RBM42: variants seen among roughly 807,000 people sequenced by gnomAD.
The protein encoded by RBM42 is RNA-binding protein 42.
Under a neutral mutation model 41.4 loss-of-function variants are expected in RBM42, and 21 were observed. The ratio of observed to expected loss-of-function variants is 0.51; its 90% confidence interval spans 0.36 to 0.73. The LOEUF is 0.73. RBM42 is among the 30% of genes least tolerant of loss of function. RBM42 has a pLI of 0.00. For missense variants in RBM42, 539 were observed against 680.4 expected, an observed-to-expected ratio of 0.79 and a Z score of 2.31; for synonymous variants, 272 against 271.2, an observed-to-expected ratio of 1.00 and a Z score of -0.03.
In RBM42 at chr19:35,633,806, G is replaced by A. The variant is rs1405305815; in HGVS notation, c.804G>A (p.Val268=). ...GLEEASAAVA[V]GAGGAPAGPA... The stretch of plus-strand genomic sequence containing the variant: ...AGGAGGCTAGCGCGGCTGTGGCCGT[G>A]GGGGCAGGAGGTGCCCCAGCTGGCC... The change falls in exon 7 of 10, where the codon GTG becomes GTA. Residue 268 remains valine, a synonymous_variant. Coordinates refer to ENST00000262633, the MANE Select transcript of RBM42 (RefSeq NM_024321.5). 4 of 1,498,904 alleles carry A rather than the reference G, an allele frequency of 2.7e-6. No individual in the cohort carries two copies. Among genetic ancestry groups the A allele is most frequent in the Admixed American group, 2.4e-5 (1 of 41,514 alleles). The allele number at this position is 1,498,904 out of a possible 1,614,324, so 92.9% of individuals were successfully genotyped here.
rs774741013 is a variant in RBM42 at position 35,633,875 on chromosome 19, A to G, written c.873A>G (p.Pro291=). The G allele has an allele frequency of 1.3e-6, 2 of 1,593,070 alleles. No homozygotes were observed. Among genetic ancestry groups the G allele is most frequent in the East Asian group, 2.3e-5 (1 of 43,906 alleles). The change falls in exon 7 of 10, where the codon CCA becomes CCG. Residue 291 remains proline, a synonymous_variant. Coordinates refer to ENST00000262633, the MANE Select transcript of RBM42 (RefSeq NM_024321.5). ...GCCTGCCGCTGGCCCTGGCCATGCCATTGCCCGAGCCTGAGCCCCTGCCCC... is the reference window on the plus strand; with the variant it reads ...GCCTGCCGCTGGCCCTGGCCATGCCGTTGCCCGAGCCTGAGCCCCTGCCCC... ...GPSLPLALAM[P]LPEPEPLPLP...
Position 35,633,165 on chromosome 19 carries a change from GC to G in RBM42, c.602del (p.Pro201LeufsTer5). ...QALVGPPLPG[P>X]PGPPMMLPPM... ...CCCTCGTGGGCCCCCCTCTGCCTGG[GC>G]CCCCTGGACCACCCATGATGCTGCC... On this transcript the variant is annotated frameshift_variant, in exon 6 of 10. Coordinates refer to ENST00000262633, the MANE Select transcript of RBM42 (RefSeq NM_024321.5). LOFTEE classifies it high-confidence loss of function. 2.5e-6 allele frequency: 4 copies of G among 1,605,700 alleles called. No homozygotes were observed. Among genetic ancestry groups the G allele is most frequent in the Non-Finnish European group, 3.4e-6 (4 of 1,173,088 alleles).
chr19:35,633,014 G>A lies in RBM42; in HGVS notation c.508+13G>A. 2 of 1,608,730 alleles carry A rather than the reference G, an allele frequency of 1.2e-6. No individual in the cohort carries two copies. Among genetic ancestry groups the A allele is most frequent in the Non-Finnish European group, 1.7e-6 (2 of 1,175,190 alleles). ...CTACAGAGAGCAGGTGAGGGGCCAG[G>A]GTCATCATCCCTGCCACATAACTCC... On this transcript the variant is annotated intron_variant, in intron 5 of 9. Coordinates refer to ENST00000262633, the MANE Select transcript of RBM42 (RefSeq NM_024321.5).
intron 4 of RBM42, 119 bp from the exon 5 acceptor site, chr19:35,632,817 A>T (rs2146350556): frequency 3.1e-6 from 2 of 652,950 alleles, no homozygotes; most frequent in African/African-American, 1.8e-5. Flanking sequence ...GGCTCCCCAG[A>T]CTCTTCTCCA....
rs1967448058 is a variant in RBM42, at chr19:35,633,797, T to C, written c.795T>C (p.Ala265=). Residue 265 remains alanine, a synonymous_variant, in exon 7 of 10, where the codon GCT becomes GCC. Transcript: ENST00000262633. The part of the protein sequence containing the change: ...AAAGLEEASA[A]VAVGAGGAPA... ...CTGGGCTGGAGGAGGCTAGCGCGGC[T>C]GTGGCCGTGGGGGCAGGAGGTGCCC... 1 of 1,501,396 alleles carries C rather than the reference T, an allele frequency of 6.7e-7. No homozygotes were observed. Among genetic ancestry groups the C allele is most frequent in the Non-Finnish European group, 8.8e-7 (1 of 1,133,222 alleles). The allele number at this position is 1,501,396 out of a possible 1,614,324, so 93.0% of individuals were successfully genotyped here.
intron 2 of RBM42, among the ~76,000 whole-genome samples, chr19:35,630,502 T>C (rs1967387193): frequency 6.6e-6 from 1 of 152,066 alleles, no homozygotes; most frequent in South Asian, 2.1e-4. Context: ...GCACGGTTGC[T>C]CACGCCTGTA....
intron 1 of RBM42, 32 bp from the exon 2 acceptor site, chr19:35,629,488 C>G (rs771517189): frequency 6.2e-7 from 1 of 1,612,010 alleles, no homozygotes; most frequent in Non-Finnish European, 8.5e-7. Context: ...GGTACGAGGT[C>G]CTGAGCGCTG....
chr19:35,634,070 G>T, intron 7 of RBM42, 51 bp downstream of exon 7: 2 of 1,470,926 alleles, frequency 1.4e-6, no homozygotes, highest in Non-Finnish European at 1.8e-6. Flanking sequence ...GGGGCAGACA[G>T]GAGCCCAGGA....
At chr19:35,633,408 C>G (rs758896226) in intron 6 of RBM42, among the ~76,000 whole-genome samples, 156 bp downstream of exon 6, 3 of 152,262 alleles carry the variant, frequency 2.0e-5, no homozygotes, top group Non-Finnish European at 4.4e-5. Context: ...CTGCATCTTT[C>G]TGTGGCAAAA....
In RBM42 at chr19:35,631,093, A is replaced by G. The variant is rs777392935; in HGVS notation, c.283-47A>G. The G allele has an allele frequency of 2.0e-5, 30 of 1,535,954 alleles. No homozygotes were observed. In the Admixed American group the frequency reaches 3.3e-4, roughly 17 times the overall value. ...TCTTGGGGTGAGCTGGCCGCAGCAG[A>G]TGGGAATGCTGAGTCAGGCCCCTCA... On this transcript the variant is annotated intron_variant, in intron 2 of 9. Coordinates refer to ENST00000262633, the MANE Select transcript of RBM42 (RefSeq NM_024321.5).
intron 8 of RBM42, among the ~76,000 whole-genome samples, chr19:35,634,655 A>AT (rs1212390806): frequency 1.3e-5 from 2 of 150,558 alleles, no homozygotes; most frequent in African/African-American, 2.5e-5. Flanking sequence ...TTAGGATAAA[A>AT]ATTTTTTTTT....
Position 35,637,136 on chromosome 19 carries a change from G to A in RBM42, c.1136-22G>A. On this transcript the variant is annotated intron_variant, in intron 8 of 9. Transcript: ENST00000262633. The surrounding 1 kb of genome is among the most constrained non-coding windows in gnomAD (Gnocchi z 7.0). ...GGGCAAGGCCTCTGCATCCTCTGAT[G>A]TCATCTCTTCCCCATCCCCAGATGA... The A allele has an allele frequency of 1.3e-6, 2 of 1,596,110 alleles. No homozygotes were observed. The highest frequency in any genetic ancestry group is 1.7e-6 in the Non-Finnish European group (2 of 1,170,214).
At chr19:35,631,257 G>A in intron 3 of RBM42, 33 bp downstream of exon 3, 1 of 1,612,306 alleles carries the variant, frequency 6.2e-7, no homozygotes, top group East Asian at 2.2e-5. Flanking sequence ...AGGGGGTTGG[G>A]CAATCAGGCA....
Position 35,634,289 on chromosome 19 carries a change from G to C in RBM42, c.1051G>C (p.Gly351Arg). 6.2e-7 allele frequency: 1 copy of C among 1,614,192 alleles called. No homozygotes were observed. The highest frequency in any genetic ancestry group is 8.5e-7 in the Non-Finnish European group (1 of 1,180,030). The part of the protein sequence containing the change: ...PEPLGEDKKK[G>R]KPEKLKRCIR... ...GCCCCTGGGTGAAGACAAGAAGAAG[G>C]GGAAGCCAGAGAAATTGAAACGGTG... The change falls in exon 8 of 10, where the codon GGG becomes CGG. Residue 351 changes from glycine to arginine, a missense_variant. Gly to Arg is a moderately radical substitution (Grantham distance 125, BLOSUM62 -2). Coordinates refer to ENST00000262633, the MANE Select transcript of RBM42 (RefSeq NM_024321.5).
chr19:35,636,837 A>G (rs1967506354), intron 8 of RBM42, among the ~76,000 whole-genome samples: 1 of 152,104 alleles, frequency 6.6e-6, no homozygotes, highest in African/African-American at 2.4e-5. Flanking sequence ...AGGGCAGTGC[A>G]GTTCAAGGTT....
Position 35,634,274 on chromosome 19 carries a change from G to A in RBM42, c.1036G>A (p.Glu346Lys), listed in dbSNP as rs200274359. ...TCTGCAGGTCCCAGAGCCCCTGGGT[G>A]AAGACAAGAAGAAGGGGAAGCCAGA... ...MALEVPEPLGEDKKKGKPEKL... is the reference protein window; with the variant it reads ...MALEVPEPLGKDKKKGKPEKL... The change falls in exon 8 of 10, where the codon GAA becomes AAA. Residue 346 changes from glutamate to lysine, a missense_variant. Glu to Lys is a moderately conservative substitution (Grantham distance 56). Around this residue, in one of 2 missense-constraint regions of RBM42, gnomAD observed 429 missense variants for 488.9 expected, o/e 0.88. Transcript: ENST00000262633. The A allele has an allele frequency of 1.9e-6, 3 of 1,614,186 alleles. No individual in the cohort carries two copies. The highest frequency in any genetic ancestry group is 2.5e-6 in the Non-Finnish European group (3 of 1,180,012).
chr19:35,629,215 C>T lies in RBM42; in HGVS notation c.62C>T (p.Pro21Leu). ...GCAGGAGGACCCGTGGTCCCGGGTC[C>T]TGGCGCTGGCATCCCGGGCAAAAGC... ...PGAGGPVVPG[P>L]GAGIPGKSGE... The change falls in exon 1 of 10, where the codon CCT becomes CTT. Residue 21 changes from proline to leucine, a missense_variant. Physicochemically the swap from Pro to Leu is moderately conservative, Grantham distance 98 (BLOSUM62 -3). Coordinates refer to ENST00000262633, the MANE Select transcript of RBM42 (RefSeq NM_024321.5). 2 of 1,537,970 alleles carry T rather than the reference C, an allele frequency of 1.3e-6. No homozygotes were observed. Among genetic ancestry groups the T allele is most frequent in the Non-Finnish European group, 1.7e-6 (2 of 1,144,938 alleles).
chr19:35,630,482 T>TGG (rs1330378567), intron 2 of RBM42, among the ~76,000 whole-genome samples: 1 of 151,898 alleles, frequency 6.6e-6, no homozygotes, highest in East Asian at 1.9e-4. Context: ...TTAAGAACCC[T>TGG]GGTGGCCAGG....
At chr19:35,632,084 G>C (rs1967416588) in intron 4 of RBM42, among the ~76,000 whole-genome samples, 1 of 152,100 alleles carries the variant, frequency 6.6e-6, no homozygotes, top group Admixed American at 6.6e-5. Flanking sequence ...GTTCTTACTT[G>C]GATGTAAAAT....
Sources: allele counts gnomAD v4.1 joint callset (sites outside exome capture counted in the v4.1 genomes callset), GRCh38; gene constraint gnomAD v4.1.1; regional missense constraint gnomAD v4.1.1; non-coding constraint Gnocchi (gnomAD v3.1); transcripts MANE v1.5; gene names NCBI Gene and HGNC (gene_info 2026-07-23, HGNC 2026-07-21).